The following ZSWIM4 variants were observed in gnomAD, a reference collection of about 807,000 sequenced individuals.
ZSWIM4 encodes the protein zinc finger SWIM domain-containing protein 4.
A neutral mutation model predicts 102.5 loss-of-function variants in ZSWIM4; 62 were observed. The observed-to-expected ratio is 0.60, with a 90% CI of 0.49 to 0.75. The LOEUF (loss-of-function observed/expected upper bound fraction) is 0.75. Ranked by LOEUF, ZSWIM4 falls within the 30% of genes least tolerant of loss-of-function variation. The pLI is 0.00. For missense variants in ZSWIM4, 1,280 were observed against 1,529.6 expected (o/e 0.84, Z 2.72); for synonymous variants, 652 against 674.5 (o/e 0.97, Z 0.52).
intron 12 of ZSWIM4, among the ~76,000 whole-genome samples, chr19:13,827,641 A>G (rs2145379157): frequency 6.6e-6 from 1 of 151,520 alleles, no homozygotes; most frequent in South Asian, 2.1e-4. Context: ...GGACCTTCCC[A>G]GCTAGAACAA....
At chr19:13,804,077 T>C (rs1321639979) in intron 2 of ZSWIM4, among the ~76,000 whole-genome samples, 7 of 151,434 alleles carry the variant, frequency 4.6e-5, no homozygotes, top group Admixed American at 4.6e-4. Flanking sequence ...TTGGCCATGC[T>C]GGTCTTGAAC....
chr19:13,828,593 AG>A (rs1217953641), intron 12 of ZSWIM4, 51 bp from the exon 13 acceptor site: 128 of 1,571,120 alleles, frequency 8.1e-5, no homozygotes, highest in Non-Finnish European at 1.1e-4. Flanking sequence ...GCCCCTCCAT[AG>A]GCCAGCCCAA....
At chr19:13,816,854 T>C (rs555165905) in intron 7 of ZSWIM4, among the ~76,000 whole-genome samples, 1 of 152,100 alleles carries the variant, frequency 6.6e-6, no homozygotes, top group Non-Finnish European at 1.5e-5. Flanking sequence ...TGTTGGGGCT[T>C]TATCTTCAGA....
At chr19:13,800,013 G>A (rs1974716076) in intron 2 of ZSWIM4, 92 bp downstream of exon 2, 1 of 1,325,644 alleles carries the variant, frequency 7.5e-7, no homozygotes, top group Non-Finnish European at 1.0e-6. Flanking sequence ...TGGGGCCAGG[G>A]GATGGGAGGT....
chr19:13,830,825 C>T lies in ZSWIM4; in HGVS notation c.3096C>T (p.Leu1032=), dbSNP rs1975746259. The T allele has an allele frequency of 6.2e-7, 1 of 1,608,058 alleles. No homozygotes were observed. The highest frequency in any genetic ancestry group is 1.7e-5 in the Admixed American group (1 of 59,416). The change falls in exon 14 of 14, where the codon CTC becomes CTT. Residue 1032 remains leucine, a synonymous_variant. Coordinates refer to ENST00000590508, the MANE Select transcript of ZSWIM4 (RefSeq NM_001367834.3). ...LGADRAPLCQ[L]LDAAVTAYIT... is the part of the protein sequence containing the mutation. ...CCGACCGGGCGCCGCTCTGCCAGCT[C>T]CTGGACGCGGCAGTCACCGCCTACA...
intron 5 of ZSWIM4, among the ~76,000 whole-genome samples, chr19:13,811,122 C>T (rs979241505): frequency 6.6e-6 from 1 of 151,664 alleles, no homozygotes; most frequent in Non-Finnish European, 1.5e-5. Context: ...ACCGTGTTAG[C>T]CAGGATGGTC....
In ZSWIM4 at chr19:13,828,734, C is replaced by A; in HGVS notation, c.2461+8C>A. ...GCTGTGCCACAGAGATTGGTGAGAG[C>A]CCCTAAGGGGACCTGCCACCCACTT... On this transcript the variant is annotated splice_region_variant and intron_variant, in intron 13 of 13. Transcript: ENST00000590508. 1.2e-6 allele frequency: 2 copies of A among 1,613,570 alleles called. No homozygotes were observed. The highest frequency in any genetic ancestry group is 1.7e-6 in the Non-Finnish European group (2 of 1,179,514).
At position 13,814,742 on chromosome 19, in the gene ZSWIM4, C is replaced by T. The variant is rs1282836953; in HGVS notation, c.1408C>T (p.Arg470Cys). The part of the protein sequence containing the change: ...LGEPFPTACA[R>C]VDTLRAHGYP... ...AGAACCTTTCCCCACTGCCTGTGCC[C>T]GTGTGGACACCCTGCGTGCCCACGG... Residue 470 changes from arginine to cysteine, a missense_variant, in exon 7 of 14, where the codon CGT (arginine) becomes TGT (cysteine). By Grantham distance (180) the Arg-to-Cys change is radical. Transcript: ENST00000590508. 2.3e-6 allele frequency: 3 copies of T among 1,288,700 alleles called. No homozygotes were observed. Among genetic ancestry groups the T allele is most frequent in the East Asian group, 5.6e-5 (1 of 17,982 alleles). The allele number at this position is 1,288,700 out of a possible 1,614,324, so 79.8% of individuals were successfully genotyped here.
At chr19:13,796,294 G>T (rs1449300302) in intron 1 of ZSWIM4, among the ~76,000 whole-genome samples, 1 of 151,102 alleles carries the variant, frequency 6.6e-6, no homozygotes, top group Non-Finnish European at 1.5e-5. Context: ...CCTCTCTTCG[G>T]CCCCCCGCTT....
chr19:13,809,598 C>T lies in ZSWIM4; in HGVS notation c.1012+378C>T, dbSNP rs2145294341. ...CCCGGACTCAAGTGATCCTACACCT[C>T]AGCCTCCCAAGTAGCTGGGTCTACA... On this transcript the variant is annotated intron_variant, in intron 5 of 13. Transcript: ENST00000590508. The surrounding 1 kb of genome is among the most constrained non-coding windows in gnomAD (Gnocchi z 4.2). Among the ~76,000 whole-genome samples the T allele has an allele frequency of 6.6e-6, 1 of 152,246 alleles. No individual in the cohort carries two copies. Among genetic ancestry groups the T allele is most frequent in the African/African-American group, 2.4e-5 (1 of 41,540 alleles).
chr19:13,810,760 C>T (rs1442305571), intron 5 of ZSWIM4, among the ~76,000 whole-genome samples: 1 of 151,572 alleles, frequency 6.6e-6, no homozygotes, highest in Non-Finnish European at 1.5e-5. Flanking sequence ...CAGAGGCCCA[C>T]CACCACGCCC....
intron 2 of ZSWIM4, among the ~76,000 whole-genome samples, chr19:13,803,853 T>C (rs1253843759): frequency 6.7e-6 from 1 of 148,426 alleles, no homozygotes; most frequent in Non-Finnish European, 1.5e-5. Context: ...CTTAACTTCA[T>C]ACCAACAGCG....
intron 7 of ZSWIM4, among the ~76,000 whole-genome samples, chr19:13,816,528 G>A (rs901450819): frequency 6.6e-6 from 1 of 152,184 alleles, no homozygotes; most frequent in African/African-American, 2.4e-5. Context: ...TCAGGACACT[G>A]AGGCAGGAGA....
chr19:13,818,007 C>T, intron 9 of ZSWIM4, 31 bp downstream of exon 9: 1 of 1,467,380 alleles, frequency 6.8e-7, no homozygotes, highest in Non-Finnish European at 9.0e-7. Context: ...CTGGCTGTTG[C>T]TGAAGGGTAG....
At position 13,830,559 on chromosome 19, in the gene ZSWIM4, C is replaced by T; in HGVS notation, c.2830C>T (p.Leu944=). 1 of 1,599,640 alleles carries T rather than the reference C, an allele frequency of 6.3e-7. No homozygotes were observed. The highest frequency in any genetic ancestry group is 8.5e-7 in the Non-Finnish European group (1 of 1,179,616). Residue 944 remains leucine (L), a synonymous_variant, in exon 14 of 14, where the codon CTG becomes TTG. Transcript: ENST00000590508. The part of the protein sequence containing the change: ...LPLRAYKLAT[L]ALAQLSIAFN... ...GCTCCGGGCCTACAAGCTGGCGACGCTGGCCCTGGCGCAGCTCAGCATCGC... is the reference window on the plus strand; with the variant it reads ...GCTCCGGGCCTACAAGCTGGCGACGTTGGCCCTGGCGCAGCTCAGCATCGC...
intron 2 of ZSWIM4, among the ~76,000 whole-genome samples, chr19:13,800,240 ATTTCTTTTTTTTTTTTTTTT>A (rs1457825868): frequency 5.4e-4 from 13 of 24,232 alleles, no homozygotes; most frequent in African/African-American, 1.2e-3. Flanking sequence ...AATTTTTTGT[ATTTCTTTTTTTTTTTTTTTT>A]TTTTTTTTTT....
At chr19:13,798,977 C>T (rs986112605) in intron 1 of ZSWIM4, among the ~76,000 whole-genome samples, 2 of 151,570 alleles carry the variant, frequency 1.3e-5, no homozygotes, top group Admixed American at 6.6e-5. Context: ...TTAGTAGAGA[C>T]GGGGTTTCGC....
Position 13,814,534 on chromosome 19 carries a change from G to T in ZSWIM4, c.1200G>T (p.Glu400Asp). The change falls in exon 7 of 14, where the codon GAG (glutamate) becomes GAT (aspartate). Residue 400 changes from glutamate (E) to aspartate (D), a missense_variant. Transcript: ENST00000590508. Reference protein sequence around the residue: ...APAPGSEEEEEVAATSPRHTV... With the variant: ...APAPGSEEEEDVAATSPRHTV... ...CTGCAGGCTCGGAGGAAGAGGAAGA[G>T]GTGGCAGCCACAAGTCCCCGCCACA... is the stretch of plus-strand genomic sequence containing the variant. 1 of 1,160,704 alleles carries T rather than the reference G, an allele frequency of 8.6e-7. No individual in the cohort carries two copies. Among genetic ancestry groups the T allele is most frequent in the Non-Finnish European group, 1.1e-6 (1 of 920,730 alleles). The allele number at this position is 1,160,704 out of a possible 1,614,324, so 71.9% of individuals were successfully genotyped here.
Position 13,814,728 on chromosome 19 carries a change from C to T in ZSWIM4, c.1394C>T (p.Pro465Leu). Residue 465 changes from proline (P) to leucine (L), a missense_variant, in exon 7 of 14, where the codon CCC (proline) becomes CTC (leucine). Coordinates refer to ENST00000590508, the MANE Select transcript of ZSWIM4 (RefSeq NM_001367834.3). ...GRPLWLGEPF[P>L]TACARVDTLR... ...CCACTGTGGCTGGGAGAACCTTTCCCCACTGCCTGTGCCCGTGTGGACACC... is the reference window on the plus strand; with the variant it reads ...CCACTGTGGCTGGGAGAACCTTTCCTCACTGCCTGTGCCCGTGTGGACACC... 3 of 1,288,786 alleles carry T rather than the reference C, an allele frequency of 2.3e-6. No individual in the cohort carries two copies. In the South Asian group the frequency reaches 3.7e-5, roughly 16 times the overall value. 79.8% of individuals were successfully genotyped at this position (1,288,786 alleles called of 1,614,324 possible). A position where few individuals can be genotyped will look rare whatever the true frequency, so the allele number is the denominator to read the frequency against.
Sources: allele counts gnomAD v4.1 joint callset (sites outside exome capture counted in the v4.1 genomes callset), GRCh38; gene constraint gnomAD v4.1.1; non-coding constraint Gnocchi (gnomAD v3.1); transcripts MANE v1.5; gene names NCBI Gene and HGNC (gene_info 2026-07-23, HGNC 2026-07-21).